NEGR1: variants seen among roughly 807,000 people sequenced by gnomAD.
NEGR1 encodes the protein IgLON family member 4.
A neutral mutation model predicts 40.9 loss-of-function variants in NEGR1; 10 were observed. That is an observed-to-expected ratio of 0.24 (90% CI 0.15 to 0.42). The LOEUF (loss-of-function observed/expected upper bound fraction) is 0.42. Ranked by LOEUF, NEGR1 falls within the 10% of genes least tolerant of loss-of-function variation. The pLI, the probability that NEGR1 is intolerant of heterozygous loss-of-function variation, is 1.00. For synonymous variants in NEGR1, 185 were observed against 166.8 expected (o/e 1.11, Z -0.84); for missense variants, 352 against 438.9 (o/e 0.80, Z 1.77).
intron 1 of NEGR1, among the ~76,000 whole-genome samples, chr1:72,169,128 A>G (rs1008574431): frequency 6.6e-6 from 1 of 152,178 alleles, no homozygotes; most frequent in African/African-American, 2.4e-5. Context: ...ACAAAAAATC[A>G]TGATAATTAG....
chr1:72,030,738 T>A (rs965832142), intron 1 of NEGR1, among the ~76,000 whole-genome samples: 2 of 152,092 alleles, frequency 1.3e-5, no homozygotes, highest in African/African-American at 4.8e-5. Context: ...GTAGTTACAG[T>A]CATTGAAATT....
At chr1:71,917,780 A>C (rs1433454733) in intron 2 of NEGR1, among the ~76,000 whole-genome samples, 1 of 45,730 alleles carries the variant, frequency 2.2e-5, no homozygotes, top group African/African-American at 2.4e-4. Context: ...ACTCCGTCTT[A>C]AAAAAAAAAA....
intron 1 of NEGR1, among the ~76,000 whole-genome samples, chr1:72,258,796 T>C (rs1037539348): frequency 6.6e-6 from 1 of 152,144 alleles, no homozygotes. Flanking sequence ...TAATGTATTT[T>C]TACAAACTAA....
intron 6 of NEGR1, among the ~76,000 whole-genome samples, chr1:71,531,952 T>G (rs1487817646): frequency 6.6e-6 from 1 of 151,328 alleles, no homozygotes; most frequent in East Asian, 2.0e-4. Flanking sequence ...GTTTCTCAGA[T>G]CAGCAAATCC....
intron 6 of NEGR1, among the ~76,000 whole-genome samples, chr1:71,558,447 G>GTT (rs1036827125): frequency 6.6e-6 from 1 of 151,526 alleles, no homozygotes; most frequent in African/African-American, 2.4e-5. Flanking sequence ...TTCTGATGGT[G>GTT]TTTCTCTGTT....
intron 1 of NEGR1, among the ~76,000 whole-genome samples, chr1:72,253,734 A>G (rs1324233803): frequency 6.6e-6 from 1 of 152,234 alleles, no homozygotes; most frequent in African/African-American, 2.4e-5. Context: ...TGATGGATGC[A>G]TTTAATTGAA....
At chr1:72,000,015 G>T (rs1646543849) in intron 1 of NEGR1, among the ~76,000 whole-genome samples, 1 of 151,760 alleles carries the variant, frequency 6.6e-6, no homozygotes, top group Non-Finnish European at 1.5e-5. Context: ...TGAACTAAAT[G>T]TGCATTATGT....
chr1:71,733,003 T>C (rs1270353516), intron 3 of NEGR1, among the ~76,000 whole-genome samples: 4 of 151,842 alleles, frequency 2.6e-5, no homozygotes, highest in Admixed American at 6.6e-5. Context: ...AATATGTTAA[T>C]GTGCATCGTG....
chr1:71,791,263 A>G (rs1657103894), intron 2 of NEGR1, among the ~76,000 whole-genome samples: 1 of 152,086 alleles, frequency 6.6e-6, no homozygotes, highest in Admixed American at 6.6e-5. Flanking sequence ...AAATTATACT[A>G]AAAGCAAAAA....
chr1:71,737,528 T>C (rs1018253368), intron 3 of NEGR1, among the ~76,000 whole-genome samples: 4 of 152,174 alleles, frequency 2.6e-5, no homozygotes, highest in African/African-American at 7.2e-5. Context: ...ATCTTGCCAT[T>C]AGTTTAAAGA....
At chr1:71,539,610 A>G (rs984496099) in intron 6 of NEGR1, among the ~76,000 whole-genome samples, 2 of 151,736 alleles carry the variant, frequency 1.3e-5, no homozygotes, top group African/African-American at 2.4e-5. Context: ...GTGTTCCTAT[A>G]CGTATCTCTG....
chr1:71,869,818 T>A (rs1489853064), intron 2 of NEGR1, among the ~76,000 whole-genome samples: 2 of 152,104 alleles, frequency 1.3e-5, no homozygotes, highest in South Asian at 2.1e-4. Flanking sequence ...TCTGTGATAT[T>A]TAACAGTGGT....
chr1:71,856,081 G>T (rs528121206), intron 2 of NEGR1, among the ~76,000 whole-genome samples: 17 of 151,766 alleles, frequency 1.1e-4, no homozygotes, highest in Non-Finnish European at 2.2e-4. Context: ...TTAAGAATGG[G>T]GCAGGAAAAA....
chr1:71,791,945 G>A lies in NEGR1; in HGVS notation c.410-15648C>T, dbSNP rs530842785. Among the ~76,000 whole-genome samples, 4 of 152,218 alleles carry A rather than the reference G, an allele frequency of 2.6e-5. No homozygotes were observed. The East Asian group carries it at 7.7e-4, about 29-fold the overall frequency. On this transcript the variant is annotated intron_variant, in intron 2 of 6. Transcript: ENST00000357731. ...TGAGATCAGCATTTGGAAATAAACA[G>A]TTAGTAAACATACAGGACATATTTG...
chr1:72,108,696 C>T (rs930570773), intron 1 of NEGR1, among the ~76,000 whole-genome samples: 3 of 151,310 alleles, frequency 2.0e-5, no homozygotes, highest in Non-Finnish European at 3.0e-5. Context: ...TATAATAGAC[C>T]TTAGGAATCA....
At chr1:72,199,137 C>T (rs1177366805) in intron 1 of NEGR1, among the ~76,000 whole-genome samples, 6 of 124,690 alleles carry the variant, frequency 4.8e-5, no homozygotes, top group Admixed American at 4.8e-4. Context: ...GGAGATCTAT[C>T]TAGATAGACA....
chr1:72,008,070 T>G (rs1322035457), intron 1 of NEGR1, among the ~76,000 whole-genome samples: 1 of 152,152 alleles, frequency 6.6e-6, no homozygotes, highest in African/African-American at 2.4e-5. Flanking sequence ...TTTTTCTCCC[T>G]GCAATTTTAC....
chr1:72,202,799 T>C (rs1310196335), intron 1 of NEGR1, among the ~76,000 whole-genome samples: 2 of 152,016 alleles, frequency 1.3e-5, no homozygotes, highest in African/African-American at 2.4e-5. Flanking sequence ...CTGGTGACAT[T>C]AAGTTGAAGC....
At chr1:72,280,213 T>G (rs2100570847) in intron 1 of NEGR1, among the ~76,000 whole-genome samples, 1 of 152,290 alleles carries the variant, frequency 6.6e-6, no homozygotes, top group African/African-American at 2.4e-5. Context: ...GAAGCTCCAC[T>G]GTTGGAAGCA....
Sources: gnomAD v4.1 joint callset for allele counts (sites outside exome capture counted in the v4.1 genomes callset) on GRCh38, gnomAD v4.1.1 for gene constraint, MANE v1.5 for transcripts, NCBI Gene and HGNC (gene_info 2026-07-23, HGNC 2026-07-21) for gene names.